CPED1: variants seen among roughly 807,000 people sequenced by gnomAD.
The protein encoded by CPED1 is cadherin-like and PC-esterase domain-containing protein 1.
In CPED1, 114 loss-of-function variants were observed where a neutral mutation model predicts 128.2. The ratio of observed to expected loss-of-function variants is 0.89; its 90% CI spans 0.76 to 1.04. CPED1 has a LOEUF of 1.04. Among genes scored for constraint, CPED1 ranks in the 50% least tolerant of loss-of-function variants. CPED1 has a pLI of 0.00. For missense variants in CPED1, 1,211 were observed against 1,207.1 expected, an observed-to-expected ratio of 1.00 and a Z score of -0.05; for synonymous variants, 462 against 426.7, an observed-to-expected ratio of 1.08 and a Z score of -1.02.
intron 16 of CPED1, among the ~76,000 whole-genome samples, chr7:121,228,153 G>A (rs1798058669): frequency 6.6e-6 from 1 of 151,962 alleles, no homozygotes; most frequent in Non-Finnish European, 1.5e-5. Flanking sequence ...AGACTAAGAA[G>A]ACTTAATTAA....
At chr7:121,164,222 G>T (rs543488904) in intron 16 of CPED1, among the ~76,000 whole-genome samples, 1 of 152,292 alleles carries the variant, frequency 6.6e-6, no homozygotes, top group Non-Finnish European at 1.5e-5. Flanking sequence ...TGCCACTGTG[G>T]ATTTGGAGGA....
At chr7:121,143,945 T>TG (rs1296361305) in intron 16 of CPED1, among the ~76,000 whole-genome samples, 11 of 151,928 alleles carry the variant, frequency 7.2e-5, no homozygotes, top group Non-Finnish European at 1.5e-4. Context: ...ATTATACTAT[T>TG]GGGGCATTAA....
At chr7:121,013,716 CCTGAACTACT>C (rs1390561112) in intron 2 of CPED1, among the ~76,000 whole-genome samples, 1 of 152,168 alleles carries the variant, frequency 6.6e-6, no homozygotes, top group Non-Finnish European at 1.5e-5. Context: ...TTTGTGTCCT[CCTGAACTACT>C]CTATGCTCTG....
chr7:121,285,805 A>G (rs1328479223), intron 22 of CPED1, among the ~76,000 whole-genome samples: 2 of 152,170 alleles, frequency 1.3e-5, no homozygotes, highest in Admixed American at 1.3e-4. Flanking sequence ...CCAAGTCTCT[A>G]GGAAGTTCCA....
At chr7:121,068,139 T>C (rs1045898030) in intron 5 of CPED1, among the ~76,000 whole-genome samples, 25 of 152,364 alleles carry the variant, frequency 1.6e-4, no homozygotes, top group African/African-American at 6.0e-4. Context: ...TTTGTCAATT[T>C]TGGCTTTTGT....
chr7:121,211,362 G>A (rs1272788785), intron 16 of CPED1, among the ~76,000 whole-genome samples: 1 of 152,060 alleles, frequency 6.6e-6, no homozygotes, highest in Non-Finnish European at 1.5e-5. Flanking sequence ...CATCCATTTT[G>A]GTTTTGACCT....
chr7:121,168,149 A>G (rs1219824720), intron 16 of CPED1, among the ~76,000 whole-genome samples: 1 of 152,178 alleles, frequency 6.6e-6, no homozygotes, highest in Non-Finnish European at 1.5e-5. Context: ...TCTGAACGCT[A>G]TCATAGCGGG....
chr7:121,127,244 C>G lies in CPED1; in HGVS notation c.1289C>G (p.Ser430Ter). 6.4e-7 allele frequency: 1 copy of G among 1,574,178 alleles called. No homozygotes were observed. The highest frequency in any genetic ancestry group is 8.7e-7 in the Non-Finnish European group (1 of 1,151,288). The change falls in exon 10 of 23, where the codon TCA (serine) becomes TGA (stop). Residue 430 changes from serine (S) to a stop codon, truncating the protein, a stop_gained. Transcript: ENST00000310396. LOFTEE classifies it high-confidence loss of function. ...GAGATATTTCAGAGACTTTATAGAT[C>G]AGATGTTTTCAAGGTAAGTGCATAT... ...FSEIFQRLYR[S>*]DVFKGENYQK... is the part of the protein sequence containing the mutation.
chr7:121,119,899 A>T (rs1375720973), intron 7 of CPED1, among the ~76,000 whole-genome samples: 1 of 152,108 alleles, frequency 6.6e-6, no homozygotes, highest in East Asian at 1.9e-4. Context: ...GATACCTCAC[A>T]TAAGTGGAAT....
chr7:121,057,268 G>A (rs756743928), intron 4 of CPED1, among the ~76,000 whole-genome samples: 6 of 152,032 alleles, frequency 3.9e-5, no homozygotes, highest in Admixed American at 6.6e-5. Flanking sequence ...GTGAACCACC[G>A]TGCCCAGCCT....
intron 16 of CPED1, among the ~76,000 whole-genome samples, chr7:121,182,340 A>G (rs1796917247): frequency 6.6e-6 from 1 of 152,054 alleles, no homozygotes; most frequent in Non-Finnish European, 1.5e-5. Flanking sequence ...AGCTCTTAGC[A>G]AAATTAAAGA....
intron 7 of CPED1, among the ~76,000 whole-genome samples, chr7:121,113,211 C>T (rs1795153886): frequency 6.6e-6 from 1 of 152,182 alleles, no homozygotes; most frequent in African/African-American, 2.4e-5. Context: ...TAATTCAACT[C>T]AGTTGTACTC....
At chr7:121,004,916 G>T (rs1321993951) in intron 2 of CPED1, among the ~76,000 whole-genome samples, 1 of 152,150 alleles carries the variant, frequency 6.6e-6, no homozygotes, top group African/African-American at 2.4e-5. Flanking sequence ...AATCTAAGAA[G>T]TATGTTCACT....
chr7:121,112,977 C>G (rs1217935575), intron 7 of CPED1, among the ~76,000 whole-genome samples: 1 of 152,116 alleles, frequency 6.6e-6, no homozygotes, highest in Non-Finnish European at 1.5e-5. Flanking sequence ...GGACGAGTAT[C>G]TTGACTGATG....
intron 12 of CPED1, 147 bp from the exon 13 acceptor site, chr7:121,133,676 G>A: frequency 1.8e-6 from 1 of 559,952 alleles, no homozygotes; most frequent in Non-Finnish European, 3.2e-6. Context: ...TAGATTGCCA[G>A]TTTTGAGGAT....
At position 121,127,198 on chromosome 7, in the gene CPED1, T is replaced by G. The variant is rs1347156906; in HGVS notation, c.1243T>G (p.Ser415Ala). The change falls in exon 10 of 23, where the codon TCA (serine) becomes GCA (alanine). Residue 415 changes from serine (S) to alanine (A), a missense_variant. Ser to Ala is a moderately conservative substitution (Grantham distance 99). Transcript: ENST00000310396. The part of the protein sequence containing the change: ...DTFNFLFPNE[S>A]SLSIFSEIFQ... ...TTTCAATTTTCTCTTCCCTAATGAA[T>G]CATCACTTTCCATATTTTCTGAGAT... is the stretch of plus-strand genomic sequence containing the variant. 3.1e-6 allele frequency: 5 copies of G among 1,593,384 alleles called. No homozygotes were observed. Among genetic ancestry groups the G allele is most frequent in the Non-Finnish European group, 4.3e-6 (5 of 1,163,146 alleles).
At chr7:121,157,441 A>G (rs764290174) in intron 16 of CPED1, among the ~76,000 whole-genome samples, 1 of 152,162 alleles carries the variant, frequency 6.6e-6, no homozygotes, top group Non-Finnish European at 1.5e-5. Flanking sequence ...AGATACCAGT[A>G]GAGGAGGGTG....
intron 5 of CPED1, among the ~76,000 whole-genome samples, chr7:121,066,487 G>T (rs1793832951): frequency 6.6e-6 from 1 of 151,994 alleles, no homozygotes. Context: ...GGATTACCCT[G>T]GATTTGAAAA....
chr7:120,996,160 GA>G (rs1796400639), intron 2 of CPED1, among the ~76,000 whole-genome samples: 1 of 151,980 alleles, frequency 6.6e-6, no homozygotes, highest in Non-Finnish European at 1.5e-5. Flanking sequence ...CATGTGCCTG[GA>G]GCCCCCCAGC....
Sources: allele counts gnomAD v4.1 joint callset (sites outside exome capture counted in the v4.1 genomes callset), GRCh38; gene constraint gnomAD v4.1.1; transcripts MANE v1.5; gene names NCBI Gene and HGNC (gene_info 2026-07-23, HGNC 2026-07-21).